The following NELL1 variants were observed in gnomAD, a reference collection of about 807,000 sequenced individuals.
NELL1 encodes neural EGFL like 1, also known as protein kinase C-binding protein NELL1.
NELL1 carries 76 observed loss-of-function variants against 107.4 expected under a neutral mutation model. The ratio of observed to expected loss-of-function variants is 0.71; its 90% CI spans 0.59 to 0.86. The LOEUF (loss-of-function observed/expected upper bound fraction) is 0.86. NELL1 is among the 40% of genes least tolerant of loss of function. The pLI, the probability that NELL1 is intolerant of heterozygous loss-of-function variation, is 0.00. For missense variants in NELL1, 1,024 were observed against 1,005.5 expected (o/e 1.02, Z -0.25); for synonymous variants, 353 against 341.2 (o/e 1.03, Z -0.38).
At chr11:20,957,591 G>A (rs1851202221) in intron 11 of NELL1, among the ~76,000 whole-genome samples, 1 of 152,042 alleles carries the variant, frequency 6.6e-6, no homozygotes, top group African/African-American at 2.4e-5. Context: ...TGCAAAGCCT[G>A]AAGATATTAG....
chr11:20,844,329 A>T (rs1417975388), intron 3 of NELL1, among the ~76,000 whole-genome samples: 1 of 152,084 alleles, frequency 6.6e-6, no homozygotes, highest in Non-Finnish European at 1.5e-5. Context: ...GAAACAGAAG[A>T]GGGAATATCA....
chr11:21,436,643 C>T (rs1350773371), intron 15 of NELL1, among the ~76,000 whole-genome samples: 1 of 151,834 alleles, frequency 6.6e-6, no homozygotes, highest in Non-Finnish European at 1.5e-5. Flanking sequence ...TTTATTTCTG[C>T]TCTGATATTC....
rs185335504 is a variant in NELL1, at chr11:21,161,084, T to C, written c.1426+47370T>C. ...AACATTTTAAAAATTCATTTAGAAA[T>C]ATTTAAGATAAACTAAAAAGTATCA... is the stretch of plus-strand genomic sequence containing the variant. On this transcript the variant is annotated intron_variant, in intron 13 of 19. Transcript: ENST00000357134. Among the ~76,000 whole-genome samples, 172 of 151,796 alleles carry C rather than the reference T, an allele frequency of 1.1e-3. 1 individual carries two copies. Among genetic ancestry groups the C allele is most frequent in the South Asian group, 2.5e-3 (12 of 4,808 alleles).
chr11:21,294,342 T>C (rs891640913), intron 14 of NELL1, among the ~76,000 whole-genome samples: 1 of 152,132 alleles, frequency 6.6e-6, no homozygotes, highest in African/African-American at 2.4e-5. Context: ...AACTTCTTTA[T>C]TTCACATTTT....
At chr11:21,316,886 GAAAA>G (rs1426713539) in intron 14 of NELL1, among the ~76,000 whole-genome samples, 3 of 151,984 alleles carry the variant, frequency 2.0e-5, no homozygotes, top group Admixed American at 1.3e-4. Context: ...AGACTATAAT[GAAAA>G]CGATTCATAA....
chr11:20,726,106 A>G (rs1855502246), intron 2 of NELL1, among the ~76,000 whole-genome samples: 1 of 152,208 alleles, frequency 6.6e-6, no homozygotes, highest in Admixed American at 6.5e-5. Flanking sequence ...ATAATATTCC[A>G]TGGCACATAT....
chr11:21,530,580 A>T (rs577222708), intron 15 of NELL1, among the ~76,000 whole-genome samples: 1 of 152,196 alleles, frequency 6.6e-6, no homozygotes, highest in South Asian at 2.1e-4. Flanking sequence ...AGAAATTGTT[A>T]TAATTATTAT....
At chr11:20,929,764 G>C (rs1446671417) in intron 9 of NELL1, among the ~76,000 whole-genome samples, 4 of 152,104 alleles carry the variant, frequency 2.6e-5, no homozygotes, top group Non-Finnish European at 5.9e-5. Flanking sequence ...CTGAGGTCAG[G>C]AGTTTGAGAC....
intron 13 of NELL1, among the ~76,000 whole-genome samples, chr11:21,210,770 T>G (rs1857481586): frequency 6.6e-6 from 1 of 152,136 alleles, no homozygotes; most frequent in Non-Finnish European, 1.5e-5. Context: ...CTGTGATAAA[T>G]AAATGGGGAT....
At chr11:21,527,058 T>A (rs1354858267) in intron 15 of NELL1, among the ~76,000 whole-genome samples, 1 of 152,232 alleles carries the variant, frequency 6.6e-6, no homozygotes, top group African/African-American at 2.4e-5. Flanking sequence ...ACTTTTATGC[T>A]CTGCTTCCTC....
intron 15 of NELL1, among the ~76,000 whole-genome samples, chr11:21,466,634 G>A (rs552643157): frequency 6.6e-6 from 1 of 152,126 alleles, no homozygotes; most frequent in Non-Finnish European, 1.5e-5. Flanking sequence ...TGGGACCCCA[G>A]TGCATAAAAT....
At chr11:21,572,784 GT>G (rs1857130960) in intron 18 of NELL1, among the ~76,000 whole-genome samples, 1 of 151,754 alleles carries the variant, frequency 6.6e-6, no homozygotes, top group East Asian at 1.9e-4. Flanking sequence ...ATACTAGACA[GT>G]ACCTTATAAT....
intron 13 of NELL1, among the ~76,000 whole-genome samples, chr11:21,176,029 A>C (rs2133818314): frequency 6.6e-6 from 1 of 151,886 alleles, no homozygotes; most frequent in East Asian, 1.9e-4. Context: ...CTTTTCCCCT[A>C]TTAGAATACC....
chr11:21,482,797 TTTTG>T (rs146095075), intron 15 of NELL1, among the ~76,000 whole-genome samples: 4,222 of 151,584 alleles, frequency 0.028, 228 homozygotes, highest in East Asian at 0.22. Flanking sequence ...GTGCCTTTCC[TTTTG>T]TTTGTTTGTT....
At chr11:21,444,965 G>T (rs1004160224) in intron 15 of NELL1, among the ~76,000 whole-genome samples, 27 of 151,950 alleles carry the variant, frequency 1.8e-4, no homozygotes, top group African/African-American at 6.5e-4. Context: ...TTACCATGAG[G>T]TTTACAAATA....
At chr11:21,485,828 C>A (rs1039289431) in intron 15 of NELL1, among the ~76,000 whole-genome samples, 4 of 152,082 alleles carry the variant, frequency 2.6e-5, no homozygotes, top group Non-Finnish European at 4.4e-5. Context: ...AATACTTAAG[C>A]ATGACATCCA....
At position 20,783,714 on chromosome 11, in the gene NELL1, G is replaced by A. The variant is rs750272052; in HGVS notation, c.219G>A (p.Val73=). Residue 73 remains valine, a synonymous_variant, in exon 3 of 20, where the codon GTG becomes GTA. Transcript: ENST00000357134. ...IEREIHAAPH[V]SEKLIQLFRN... ...GAGAGATCCATGCAGCTCCTCATGT[G>A]AGTGAGAAATTAATTCAGCTGTTCC... 7.4e-6 allele frequency: 12 copies of A among 1,613,886 alleles called. No homozygotes were observed. Among genetic ancestry groups the A allele is most frequent in the Non-Finnish European group, 1.0e-5 (12 of 1,179,938 alleles).
At chr11:21,009,918 C>G (rs1307567214) in intron 12 of NELL1, among the ~76,000 whole-genome samples, 1 of 151,616 alleles carries the variant, frequency 6.6e-6, no homozygotes, top group Non-Finnish European at 1.5e-5. Context: ...AGTTTTTGAG[C>G]AACCATCAGC....
At chr11:21,421,121 A>G (rs1430395015) in intron 15 of NELL1, among the ~76,000 whole-genome samples, 1 of 152,192 alleles carries the variant, frequency 6.6e-6, no homozygotes, top group African/African-American at 2.4e-5. Context: ...ATGTCATGAA[A>G]AGAAGCATTC....
Sources: gnomAD v4.1 joint callset for allele counts (sites outside exome capture counted in the v4.1 genomes callset) on GRCh38, gnomAD v4.1.1 for gene constraint, MANE v1.5 for transcripts, NCBI Gene and HGNC (gene_info 2026-07-23, HGNC 2026-07-21) for gene names.